SIGLEC9: variants seen among roughly 807,000 people sequenced by gnomAD.
The protein encoded by SIGLEC9 is sialic acid-binding Ig-like lectin 9.
A neutral mutation model predicts 38.3 loss-of-function variants in SIGLEC9; 26 were observed. The observed-to-expected ratio is 0.68, with a 90% CI of 0.50 to 0.94. The LOEUF is 0.94. SIGLEC9 is among the 40% of genes least tolerant of loss of function. The probability of loss-of-function intolerance (pLI) is 0.00; values close to 1 mark genes in which losing one functional copy is unlikely to be tolerated. For missense variants in SIGLEC9, 556 were observed against 585.7 expected, an observed-to-expected ratio of 0.95 and a Z score of 0.52; for synonymous variants, 236 against 248.0, an observed-to-expected ratio of 0.95 and a Z score of 0.45.
downstream of SIGLEC9, among the ~76,000 whole-genome samples, chr19:51,132,160 C>T (rs1173977347): frequency 6.6e-6 from 1 of 152,114 alleles, no homozygotes; most frequent in African/African-American, 2.4e-5. Context: ...TTGGCACCTC[C>T]CCTCCCCAGC....
downstream of SIGLEC9, among the ~76,000 whole-genome samples, chr19:51,134,748 G>A (rs1430699575): frequency 6.6e-6 from 1 of 151,984 alleles, no homozygotes; most frequent in Non-Finnish European, 1.5e-5. Context: ...CTCTGATTTT[G>A]GTTATTTGTT....
At chr19:51,120,948 C>T (rs557815600), upstream of SIGLEC9, among the ~76,000 whole-genome samples, 7 of 150,724 alleles carry the variant, frequency 4.6e-5, no homozygotes, top group South Asian at 4.2e-4. The surrounding 1 kb of genome is among the most constrained non-coding windows in gnomAD (Gnocchi z 4.1). Context: ...CAGGCTCAAG[C>T]GATCCTCCTG....
At position 51,125,161 on chromosome 19, in the gene SIGLEC9, C is replaced by T. The variant is rs749701793; in HGVS notation, c.187C>T (p.Arg63Trp). 5.6e-6 allele frequency: 9 copies of T among 1,613,966 alleles called. No homozygotes were observed. The highest frequency in any genetic ancestry group is 4.5e-5 in the East Asian group (2 of 44,852). ...PGPVVHGYWF[R>W]EGANTDQDAP... ...CCCAGTAGTTCATGGCTACTGGTTCCGGGAAGGGGCCAATACAGACCAGGA... is the reference window on the plus strand; with the variant it reads ...CCCAGTAGTTCATGGCTACTGGTTCTGGGAAGGGGCCAATACAGACCAGGA... The change falls in exon 1 of 7, where the codon CGG becomes TGG. Residue 63 changes from arginine (R) to tryptophan (W), a missense_variant. Physicochemically the swap from Arg to Trp is moderately radical, Grantham distance 101. Coordinates refer to ENST00000250360, the MANE Select transcript of SIGLEC9 (RefSeq NM_014441.3).
intron 5 of SIGLEC9, 117 bp from the exon 6 acceptor site, chr19:51,128,297 G>A: frequency 8.0e-7 from 1 of 1,256,688 alleles, no homozygotes; most frequent in Non-Finnish European, 1.1e-6. Flanking sequence ...CTGGACCACT[G>A]CTTTCCCACC....
chr19:51,121,498 C>T (rs1383296443), upstream of SIGLEC9, among the ~76,000 whole-genome samples: 1 of 152,018 alleles, frequency 6.6e-6, no homozygotes, highest in Non-Finnish European at 1.5e-5. Context: ...GGTGCTGTAA[C>T]TTCCCTTCCT....
chr19:51,131,585 C>CAA (rs1160571544), downstream of SIGLEC9, among the ~76,000 whole-genome samples: 22 of 147,548 alleles, frequency 1.5e-4, no homozygotes, highest in African/African-American at 5.4e-4. Context: ...GACTCCGTCT[C>CAA]AAAAAAAATA....
upstream of SIGLEC9, chr19:51,120,695 A>G (rs2122822742): frequency 1.1e-5 from 2 of 186,858 alleles, no homozygotes; most frequent in South Asian, 2.3e-4. This position sits in a 1 kb window ranked among gnomAD's most constrained non-coding sequence, Gnocchi z 4.1. Flanking sequence ...CAGCAACCTC[A>G]CCTGTCAGGT....
At position 51,129,325 on chromosome 19, in the gene SIGLEC9, AT is replaced by A. The variant is rs34972500; in HGVS notation, c.1204-559del. On this transcript the variant is annotated intron_variant, in intron 6 of 6. Coordinates refer to ENST00000250360, the MANE Select transcript of SIGLEC9 (RefSeq NM_014441.3). ...AGGCGCCTGCCACCACGCCCAGCTA[AT>A]TTTTTTGTATTTTTAGTAGAGACGG... is the stretch of plus-strand genomic sequence containing the variant. Among the ~76,000 whole-genome samples the A allele has an allele frequency of 4.0e-3, 609 of 150,674 alleles. 9 individuals carry two copies. The highest frequency in any genetic ancestry group is 0.013 in the African/African-American group (513 of 40,878).
At chr19:51,131,569 G>C (rs939221941), downstream of SIGLEC9, among the ~76,000 whole-genome samples, 1 of 150,998 alleles carries the variant, frequency 6.6e-6, no homozygotes, top group African/African-American at 2.5e-5. Flanking sequence ...CTGGGAGACA[G>C]AGCGAGACTC....
At position 51,130,092 on chromosome 19, in the gene SIGLEC9, A is replaced by G; in HGVS notation, c.*13A>G. 5.6e-6 allele frequency: 9 copies of G among 1,595,382 alleles called. No individual in the cohort carries two copies. Among genetic ancestry groups the G allele is most frequent in the Non-Finnish European group, 7.7e-6 (9 of 1,169,474 alleles). ...GATCCACAGATGAGAAACTGCAGAGACTCACCCTGATTGAGGGATCACAGC... is the reference window on the plus strand; with the variant it reads ...GATCCACAGATGAGAAACTGCAGAGGCTCACCCTGATTGAGGGATCACAGC... On this transcript the variant is annotated 3_prime_UTR_variant, in exon 7 of 7. Coordinates refer to ENST00000250360, the MANE Select transcript of SIGLEC9 (RefSeq NM_014441.3).
downstream of SIGLEC9, among the ~76,000 whole-genome samples, chr19:51,132,054 C>T (rs2092018844): frequency 1.3e-5 from 2 of 152,284 alleles, no homozygotes; most frequent in East Asian, 1.9e-4. Context: ...TTGGATCCCT[C>T]ATGAATGGCT....
intron 1 of SIGLEC9, 76 bp from the exon 2 acceptor site, chr19:51,125,521 G>A (rs2091971581): frequency 1.9e-6 from 3 of 1,577,318 alleles, no homozygotes; most frequent in South Asian, 2.3e-5. Flanking sequence ...GCAGGAGCTG[G>A]ACCAGAGCCT....
Position 51,125,671 on chromosome 19 carries a change from G to A in SIGLEC9, c.496G>A (p.Val166Met), listed in dbSNP as rs1399323029. ...SGCPQNLTCS[V>M]PWACEQGTPP... ...CTGCCCCCAGAATCTGACCTGCTCT[G>A]TGCCCTGGGCCTGTGAGCAGGGGAC... The change falls in exon 2 of 7, where the codon GTG (valine) becomes ATG (methionine). Residue 166 changes from valine to methionine, a missense_variant. Val to Met is a conservative substitution (Grantham distance 21, BLOSUM62 1). Transcript: ENST00000250360. 2 of 1,613,736 alleles carry A rather than the reference G, an allele frequency of 1.2e-6. No individual in the cohort carries two copies. The highest frequency in any genetic ancestry group is 2.2e-5 in the East Asian group (1 of 44,876).
Position 51,125,132 on chromosome 19 carries a change from C to T in SIGLEC9, c.158C>T (p.Pro53Leu). The change falls in exon 1 of 7, where the codon CCT becomes CTT. Residue 53 changes from proline (P) to leucine (L), a missense_variant. Coordinates refer to ENST00000250360, the MANE Select transcript of SIGLEC9 (RefSeq NM_014441.3). ...TACCCCTCGCATGGCTGGATTTACC[C>T]TGGCCCAGTAGTTCATGGCTACTGG... ...FSYPSHGWIY[P>L]GPVVHGYWFR... 6.2e-7 allele frequency: 1 copy of T among 1,614,076 alleles called. No individual in the cohort carries two copies. The highest frequency in any genetic ancestry group is 1.1e-5 in the South Asian group (1 of 91,078).
At chr19:51,129,056 T>G (rs527309946) in intron 6 of SIGLEC9, 2 of 152,962 alleles carry the variant, frequency 1.3e-5, no homozygotes, top group East Asian at 1.9e-4. Flanking sequence ...GGGCTGGATA[T>G]GACTCAGATA....
At chr19:51,129,375 G>T (rs1488373403) in intron 6 of SIGLEC9, among the ~76,000 whole-genome samples, 1 of 151,758 alleles carries the variant, frequency 6.6e-6, no homozygotes, top group African/African-American at 2.4e-5. Flanking sequence ...TAGCCAGGAT[G>T]GTCTCAGTCT....
intron 3 of SIGLEC9, among the ~76,000 whole-genome samples, chr19:51,126,732 C>T (rs553075852): frequency 1.7e-4 from 26 of 152,296 alleles, no homozygotes; most frequent in Admixed American, 3.3e-4. Flanking sequence ...TTTCATCCTA[C>T]GGCAGGATAG....
Position 51,126,400 on chromosome 19 carries a change from A to G in SIGLEC9, c.748+272A>G, listed in dbSNP as rs536479395. ...CAGGCTTTGAGGCTCCTTCTCATGTATCTCCTGAATACATCTCCACCCTTA... is the reference window on the plus strand; with the variant it reads ...CAGGCTTTGAGGCTCCTTCTCATGTGTCTCCTGAATACATCTCCACCCTTA... On this transcript the variant is annotated intron_variant, in intron 3 of 6. Coordinates refer to ENST00000250360, the MANE Select transcript of SIGLEC9 (RefSeq NM_014441.3). Among the ~76,000 whole-genome samples the G allele has an allele frequency of 2.6e-5, 4 of 151,664 alleles. No homozygotes were observed. In the East Asian group the frequency reaches 7.8e-4, roughly 30 times the overall value.
At chr19:51,135,539 A>AATG (rs1156868958) in intron 6 of SIGLEC9, among the ~76,000 whole-genome samples, 1 of 152,166 alleles carries the variant, frequency 6.6e-6, no homozygotes, top group Non-Finnish European at 1.5e-5. Flanking sequence ...TAGAAAATCT[A>AATG]ATGACTCTGT....
Sources: allele counts gnomAD v4.1 joint callset (sites outside exome capture counted in the v4.1 genomes callset), GRCh38; gene constraint gnomAD v4.1.1; non-coding constraint Gnocchi (gnomAD v3.1); transcripts MANE v1.5; gene names NCBI Gene and HGNC (gene_info 2026-07-23, HGNC 2026-07-21).